The following MAP4K4 variants were observed in gnomAD, a reference collection of about 807,000 sequenced individuals.
The protein encoded by MAP4K4 is mitogen-activated protein kinase kinase kinase kinase 4, also known as HPK/GCK-like kinase HGK.
In MAP4K4, 38 loss-of-function variants were observed where a neutral mutation model predicts 189.6. The observed-to-expected ratio is 0.20, with a 90% confidence interval of 0.15 to 0.26. The LOEUF (loss-of-function observed/expected upper bound fraction) is 0.26, where lower values mean the gene tolerates loss of function less well. MAP4K4 is among the 10% of genes least tolerant of loss of function. The probability of loss-of-function intolerance (pLI) is 1.00; values close to 1 mark genes in which losing one functional copy is unlikely to be tolerated. For missense variants in MAP4K4, 1,054 were observed against 1,726.9 expected (o/e 0.61, Z 6.91); for synonymous variants, 610 against 624.3 (o/e 0.98, Z 0.34).
intron 1 of MAP4K4, among the ~76,000 whole-genome samples, 162 bp downstream of exon 1, chr2:101,698,299 A>G (rs1340516923): frequency 6.7e-6 from 1 of 148,258 alleles, no homozygotes; most frequent in Non-Finnish European, 1.5e-5. Context: ...GGCGGGCGCT[A>G]CCCTCTACCG....
chr2:101,770,291 CGGGCTGGAG>C, intron 2 of MAP4K4, among the ~76,000 whole-genome samples: 1 of 138,280 alleles, frequency 7.2e-6, no homozygotes, highest in South Asian at 2.3e-4. Context: ...TCTTGTCGCC[CGGGCTGGAG>C]TGCAGGGGCA....
intron 3 of MAP4K4, among the ~76,000 whole-genome samples, chr2:101,808,530 G>C (rs2095175865): frequency 6.7e-6 from 1 of 150,108 alleles, no homozygotes; most frequent in African/African-American, 2.5e-5. Context: ...TATTCCCCCT[G>C]TTACACCACC....
chr2:101,851,298 T>G (rs1304874791), intron 12 of MAP4K4, among the ~76,000 whole-genome samples: 1 of 152,220 alleles, frequency 6.6e-6, no homozygotes, highest in African/African-American at 2.4e-5. Flanking sequence ...AAGGATAATT[T>G]AAGAAAATAA....
At chr2:101,788,121 G>C (rs1377220810) in intron 2 of MAP4K4, among the ~76,000 whole-genome samples, 1 of 150,948 alleles carries the variant, frequency 6.6e-6, no homozygotes, top group East Asian at 1.9e-4. Flanking sequence ...TTTTTAAATA[G>C]AGAAGTACAT....
chr2:101,801,917 A>C (rs2094411841), intron 3 of MAP4K4, among the ~76,000 whole-genome samples: 1 of 152,144 alleles, frequency 6.6e-6, no homozygotes, highest in African/African-American at 2.4e-5. Flanking sequence ...GCTCAGGCCC[A>C]AAAAGATTTT....
At chr2:101,780,536 C>G (rs1289110081) in intron 2 of MAP4K4, among the ~76,000 whole-genome samples, 1 of 152,176 alleles carries the variant, frequency 6.6e-6, no homozygotes. Context: ...AATAAACAAG[C>G]TTTTTATTAA....
At chr2:101,735,642 GAATTCAGGCTTC>G (rs1411416497) in intron 2 of MAP4K4, among the ~76,000 whole-genome samples, 1 of 152,176 alleles carries the variant, frequency 6.6e-6, no homozygotes, top group Non-Finnish European at 1.5e-5. Context: ...TCAAACCAAG[GAATTCAGGCTTC>G]AATCTGAAGC....
chr2:101,860,072 C>G, intron 15 of MAP4K4: 2 of 598,122 alleles, frequency 3.3e-6, no homozygotes, highest in Non-Finnish European at 5.9e-6. Flanking sequence ...CATAAAGGAC[C>G]AGAGTGCCTC....
intron 2 of MAP4K4, among the ~76,000 whole-genome samples, chr2:101,739,214 C>G (rs1244695710): frequency 3.3e-5 from 5 of 152,180 alleles, no homozygotes; most frequent in Non-Finnish European, 7.4e-5. Flanking sequence ...TTCTTGCACA[C>G]ATCTGATGTT....
At chr2:101,727,137 T>C (rs4449157) in intron 2 of MAP4K4, among the ~76,000 whole-genome samples, 124 of 152,322 alleles carry the variant, frequency 8.1e-4, no homozygotes, top group Admixed American at 2.3e-3. Flanking sequence ...ACATTGGGGA[T>C]TAAATTTCAA....
chr2:101,887,586 T>C (rs1442495232), intron 30 of MAP4K4, among the ~76,000 whole-genome samples, 192 bp from the exon 31 acceptor site: 1 of 152,166 alleles, frequency 6.6e-6, no homozygotes, highest in African/African-American at 2.4e-5. Context: ...TATGAGTCAG[T>C]AGAGTATATT....
Position 101,790,789 on chromosome 2 carries a change from C to T in MAP4K4, c.180+13C>T, listed in dbSNP as rs1356219147. The T allele has an allele frequency of 6.3e-7, 1 of 1,597,228 alleles. No homozygotes were observed. The highest frequency in any genetic ancestry group is 8.6e-7 in the Non-Finnish European group (1 of 1,167,832). On this transcript the variant is annotated intron_variant, in intron 3 of 32. Transcript: ENST00000324219. ...GGATGTCACTGAGGTAAGATTGAGT[C>T]ACACACATTTTTAAATAATGTTAGA...
chr2:101,742,083 C>T (rs2063082708), intron 2 of MAP4K4, among the ~76,000 whole-genome samples: 1 of 152,164 alleles, frequency 6.6e-6, no homozygotes, highest in Non-Finnish European at 1.5e-5. Flanking sequence ...GCTGTGTGAC[C>T]TGGTTCCAGG....
intron 2 of MAP4K4, among the ~76,000 whole-genome samples, chr2:101,745,932 A>G (rs916795838): frequency 3.4e-5 from 5 of 147,646 alleles, no homozygotes; most frequent in Non-Finnish European, 7.4e-5. Flanking sequence ...GATATCTGTC[A>G]GTCTACACTC....
At chr2:101,769,989 T>C (rs538794078) in intron 2 of MAP4K4, among the ~76,000 whole-genome samples, 12 of 152,320 alleles carry the variant, frequency 7.9e-5, no homozygotes, top group African/African-American at 2.4e-4. Flanking sequence ...AGCTGAGATA[T>C]ATCAGTGAGG....
At chr2:101,828,880 C>A (rs538915540) in intron 5 of MAP4K4, among the ~76,000 whole-genome samples, 30 of 152,306 alleles carry the variant, frequency 2.0e-4, no homozygotes, top group Admixed American at 7.2e-4. Flanking sequence ...AGCTTTTGGG[C>A]CTCATTCCAG....
At chr2:101,800,592 C>T (rs1362600893) in intron 3 of MAP4K4, among the ~76,000 whole-genome samples, 2 of 152,118 alleles carry the variant, frequency 1.3e-5, no homozygotes, top group Non-Finnish European at 2.9e-5. Flanking sequence ...GTATCATATT[C>T]ATTCTTATTG....
At chr2:101,749,128 A>T (rs1159914420) in intron 2 of MAP4K4, among the ~76,000 whole-genome samples, 1 of 150,148 alleles carries the variant, frequency 6.7e-6, no homozygotes, top group Non-Finnish European at 1.5e-5. Flanking sequence ...CAAGCTACCA[A>T]TGCCTTTCTT....
At chr2:101,834,654 T>G (rs941459662) in intron 8 of MAP4K4, among the ~76,000 whole-genome samples, 191 bp downstream of exon 8, 1 of 152,228 alleles carries the variant, frequency 6.6e-6, no homozygotes, top group Non-Finnish European at 1.5e-5. Flanking sequence ...CTATTCCTTT[T>G]GAATATCTCT....
Sources: allele counts gnomAD v4.1 joint callset (sites outside exome capture counted in the v4.1 genomes callset), GRCh38; gene constraint gnomAD v4.1.1; transcripts MANE v1.5; gene names NCBI Gene and HGNC (gene_info 2026-07-23, HGNC 2026-07-21).